The following ZNF683 variants were observed in gnomAD, a reference collection of about 807,000 sequenced individuals.
ZNF683 encodes the protein zinc finger protein 683.
ZNF683 carries 20 observed loss-of-function variants against 31.4 expected under a neutral mutation model. The ratio of observed to expected loss-of-function variants is 0.64; its 90% CI spans 0.45 to 0.93. The LOEUF is 0.93. Ranked by LOEUF, ZNF683 falls within the 40% of genes least tolerant of loss-of-function variation. The pLI is 0.00. For missense variants in ZNF683, 621 were observed against 637.2 expected, an observed-to-expected ratio of 0.97 and a Z score of 0.27; for synonymous variants, 264 against 267.6, an observed-to-expected ratio of 0.99 and a Z score of 0.13.
In ZNF683 at chr1:26,362,212, C is replaced by A. The variant is rs576294214; in HGVS notation, c.1144-190G>T. The stretch of plus-strand genomic sequence containing the variant: ...GAACCAGGCCAACTTGGGTTAGTGT[C>A]CTTTACTCCATGTGTGACCTTGTAA... On this transcript the variant is annotated intron_variant, in intron 5 of 5. Coordinates refer to ENST00000349618, the MANE Select transcript of ZNF683 (RefSeq NM_001114759.3). The A allele has an allele frequency of 1.3e-5, 20 of 1,556,856 alleles. No individual in the cohort carries two copies. In the South Asian group the frequency reaches 2.1e-4, roughly 16 times the overall value.
rs78769965 is a variant in ZNF683 at position 26,367,501 on chromosome 1, C to A, written c.319+92G>T. ...AGCTCTGTCTTCATCAGTGACACTG[C>A]GTCCTCTCCACCACCCATCCCCAAA... On this transcript the variant is annotated intron_variant, in intron 3 of 5. Transcript: ENST00000349618. The A allele has an allele frequency of 7.6e-4, 992 of 1,298,390 alleles. 3 individuals carry two copies. In the African/African-American group the frequency reaches 0.013, roughly 17 times the overall value. 80.4% of individuals were successfully genotyped at this position (1,298,390 alleles called of 1,614,324 possible).
chr1:26,372,941 C>T (rs1229808261), upstream of ZNF683: 44 of 591,396 alleles, frequency 7.4e-5, no homozygotes, highest in Middle Eastern at 8.8e-4. Flanking sequence ...CCTCCTGGGA[C>T]ATTTCCTTGC....
chr1:26,369,994 CTCAATCAATCAATCAA>C, intron 1 of ZNF683, among the ~76,000 whole-genome samples: 1 of 151,228 alleles, frequency 6.6e-6, no homozygotes, highest in East Asian at 2.0e-4. Flanking sequence ...AAGACCCTGT[CTCAATCAATCAATCAA>C]TCAATCAATC....
Position 26,368,475 on chromosome 1 carries a change from G to A in ZNF683, c.97C>T (p.Leu33Phe). The change falls in exon 2 of 6, where the codon CTC (leucine) becomes TTC (phenylalanine). Residue 33 changes from leucine (L) to phenylalanine (F), a missense_variant. Leu to Phe is a conservative substitution (Grantham distance 22). Transcript: ENST00000349618. ...GSLSPSLDFQ[L>F]FRGDQVFSAC... is the part of the protein sequence containing the mutation. ...TACCTTACCTGGTCACCTCGGAAGA[G>A]CTGGAAGTCCAGGCTGGGGGACAGG... 3 of 1,596,878 alleles carry A rather than the reference G, an allele frequency of 1.9e-6. No individual in the cohort carries two copies. The highest frequency in any genetic ancestry group is 1.1e-5 in the South Asian group (1 of 88,090).
chr1:26,363,400 G>A (rs1310557406), intron 4 of ZNF683, among the ~76,000 whole-genome samples: 1 of 152,200 alleles, frequency 6.6e-6, no homozygotes, highest in Non-Finnish European at 1.5e-5. Context: ...TCACAGACCA[G>A]CAGTGCTGGT....
Position 26,368,841 on chromosome 1 carries a change from G to A in ZNF683, c.-14-256C>T, listed in dbSNP as rs116738377. 8.8e-3 allele frequency among the ~76,000 whole-genome samples: 1,335 copies of A among 152,306 alleles called. 19 individuals are homozygous for A. The highest frequency in any genetic ancestry group is 0.031 in the African/African-American group (1,274 of 41,552). ...ATTAAATAGAGATTGGCCAGGTGCCGTGGCTCAAGCCTGTAATCCCAGCAC... is the reference window on the plus strand; with the variant it reads ...ATTAAATAGAGATTGGCCAGGTGCCATGGCTCAAGCCTGTAATCCCAGCAC... On this transcript the variant is annotated intron_variant, in intron 1 of 5. Coordinates refer to ENST00000349618, the MANE Select transcript of ZNF683 (RefSeq NM_001114759.3).
At chr1:26,370,502 C>A in intron 1 of ZNF683, 1 of 298,552 alleles carries the variant, frequency 3.3e-6, no homozygotes, top group Non-Finnish European at 4.9e-6. Context: ...ACCTCAGGGA[C>A]CACTCTTTGA....
chr1:26,372,631 A>T (rs2074695976), intron 1 of ZNF683, 38 bp downstream of exon 1: 1 of 1,304,324 alleles, frequency 7.7e-7, no homozygotes, highest in African/African-American at 1.5e-5. Context: ...AGAAAAAAAT[A>T]AAAACTACTT....
chr1:26,372,779 G>T (rs2074699802), upstream of ZNF683: 1 of 1,197,674 alleles, frequency 8.3e-7, no homozygotes, highest in African/African-American at 1.6e-5. Flanking sequence ...CCTCCCCAGG[G>T]CATGTGGGAC....
rs377659243 is a variant in ZNF683 at position 26,367,576 on chromosome 1, C to T, written c.319+17G>A. On this transcript the variant is annotated intron_variant, in intron 3 of 5. Coordinates refer to ENST00000349618, the MANE Select transcript of ZNF683 (RefSeq NM_001114759.3). ...GCCTCTGCCAGGCGCAGGTGCAGCC[C>T]GGTGCCCTGGGCTTACTCATGCTCA... 17 of 1,562,074 alleles carry T rather than the reference C, an allele frequency of 1.1e-5. No homozygotes were observed. Among genetic ancestry groups the T allele is most frequent in the African/African-American group, 8.1e-5 (6 of 73,744 alleles).
chr1:26,374,388 C>T (rs1191360243), upstream of ZNF683: 6 of 1,274,584 alleles, frequency 4.7e-6, no homozygotes, highest in East Asian at 5.7e-5. Flanking sequence ...AAGGAAATGG[C>T]CTTGGAGATT....
At chr1:26,364,469 C>T (rs960120644) in intron 4 of ZNF683, 63 bp downstream of exon 4, 1 of 1,585,278 alleles carries the variant, frequency 6.3e-7, no homozygotes, top group African/African-American at 1.3e-5. Context: ...TAGAAGCAGA[C>T]TCGGGTGCAT....
chr1:26,362,212 C>G, intron 5 of ZNF683, 190 bp from the exon 6 acceptor site: 9 of 1,556,856 alleles, frequency 5.8e-6, no homozygotes, highest in Non-Finnish European at 7.8e-6. Context: ...GGGTTAGTGT[C>G]CTTTACTCCA....
Position 26,364,777 on chromosome 1 carries a change from G to C in ZNF683, c.769C>G (p.Pro257Ala), listed in dbSNP as rs200468018. 6.2e-7 allele frequency: 1 copy of C among 1,608,772 alleles called. No individual in the cohort carries two copies. Among genetic ancestry groups the C allele is most frequent in the Non-Finnish European group, 8.5e-7 (1 of 1,177,014 alleles). The change falls in exon 4 of 6, where the codon CCA becomes GCA. Residue 257 changes from proline to alanine, a missense_variant. Pro to Ala is a conservative substitution (Grantham distance 27). Coordinates refer to ENST00000349618, the MANE Select transcript of ZNF683 (RefSeq NM_001114759.3). ...SARWETLLPY[P>A]GAFQASGQAL... Reference sequence around the variant, plus strand: ...TGGCCAGAGGCTTGGAAGGCCCCTGGGTAGGGAAGCAGGGTCTCCCACCGA... The same window carrying C: ...TGGCCAGAGGCTTGGAAGGCCCCTGCGTAGGGAAGCAGGGTCTCCCACCGA...
intron 5 of ZNF683, 30 bp downstream of exon 5, chr1:26,362,996 G>C (rs928115987): frequency 1.3e-6 from 2 of 1,591,812 alleles, no homozygotes; most frequent in African/African-American, 2.7e-5. Context: ...CAGCCTATAG[G>C]AGTACATAGT....
At chr1:26,374,123 G>T (rs763709945), upstream of ZNF683, among the ~76,000 whole-genome samples, 1 of 151,844 alleles carries the variant, frequency 6.6e-6, no homozygotes, top group African/African-American at 2.4e-5. Context: ...CGTAATGGAG[G>T]GGCTTAGTTC....
intron 4 of ZNF683, among the ~76,000 whole-genome samples, chr1:26,363,364 T>C (rs570945501): frequency 6.6e-6 from 1 of 152,192 alleles, no homozygotes; most frequent in Non-Finnish European, 1.5e-5. Context: ...AGGTATATTG[T>C]GGAACACTGC....
chr1:26,363,826 C>T (rs536696447), intron 4 of ZNF683, among the ~76,000 whole-genome samples: 2 of 151,976 alleles, frequency 1.3e-5, no homozygotes, highest in African/African-American at 4.8e-5. Flanking sequence ...TAGGAATCTG[C>T]ATGTTTACTA....
chr1:26,361,729 T>C lies in ZNF683; in HGVS notation c.1437A>G (p.Thr479=), dbSNP rs2074386294. The C allele has an allele frequency of 1.9e-6, 3 of 1,614,074 alleles. No homozygotes were observed. The highest frequency in any genetic ancestry group is 2.5e-6 in the Non-Finnish European group (3 of 1,179,892). ...TCACTGCTCTTGCTTTCCCCTGGGA[T>C]GTCGAGGACACTTTGACCTCATCTA... ...YDIDEVKVSS[T]SQGKARAVSL... is the part of the protein sequence containing the mutation. The change falls in exon 6 of 6, where the codon ACA becomes ACG. Residue 479 remains threonine, a synonymous_variant. Coordinates refer to ENST00000349618, the MANE Select transcript of ZNF683 (RefSeq NM_001114759.3).
Sources: allele counts gnomAD v4.1 joint callset (sites outside exome capture counted in the v4.1 genomes callset), GRCh38; gene constraint gnomAD v4.1.1; transcripts MANE v1.5; gene names NCBI Gene and HGNC (gene_info 2026-07-23, HGNC 2026-07-21).